The following NKAIN2 variants were observed in gnomAD, a reference collection of about 807,000 sequenced individuals.
NKAIN2 encodes sodium/potassium transporting ATPase interacting 2, also known as sodium/potassium-transporting ATPase subunit beta-1-interacting protein 2.
In NKAIN2, 14 loss-of-function variants were observed where a neutral mutation model predicts 32.6. The observed-to-expected ratio is 0.43, with a 90% CI of 0.28 to 0.67. The LOEUF is 0.67. NKAIN2 is among the 30% of genes least tolerant of loss of function. The probability of loss-of-function intolerance (pLI) is 0.17; values close to 1 mark genes in which losing one functional copy is unlikely to be tolerated. For synonymous variants in NKAIN2, 80 were observed against 87.2 expected, an observed-to-expected ratio of 0.92 and a Z score of 0.46; for missense variants, 198 against 258.3, an observed-to-expected ratio of 0.77 and a Z score of 1.60.
At chr6:123,956,690 C>T (rs1777609580) in intron 1 of NKAIN2, among the ~76,000 whole-genome samples, 1 of 152,158 alleles carries the variant, frequency 6.6e-6, no homozygotes, top group African/African-American at 2.4e-5. Flanking sequence ...ATTGTTGTGT[C>T]TTCATTCCAG....
At chr6:123,904,525 T>C (rs1774762449) in intron 1 of NKAIN2, among the ~76,000 whole-genome samples, 1 of 152,214 alleles carries the variant, frequency 6.6e-6, no homozygotes, top group Non-Finnish European at 1.5e-5. Context: ...ACTTTTGCAA[T>C]GTTCAGCCTT....
At chr6:124,593,343 T>A (rs927293015) in intron 3 of NKAIN2, among the ~76,000 whole-genome samples, 6 of 152,186 alleles carry the variant, frequency 3.9e-5, no homozygotes, top group African/African-American at 7.2e-5. Flanking sequence ...AAACTTTTTT[T>A]AAAACAATTA....
chr6:124,081,539 T>C (rs913146484), intron 1 of NKAIN2, among the ~76,000 whole-genome samples: 8 of 152,152 alleles, frequency 5.3e-5, no homozygotes, highest in African/African-American at 1.7e-4. Context: ...TAATTACTCA[T>C]AAATGCTGTT....
chr6:124,110,853 A>G (rs1045980734), intron 1 of NKAIN2, among the ~76,000 whole-genome samples: 7 of 152,096 alleles, frequency 4.6e-5, no homozygotes, highest in Non-Finnish European at 1.0e-4. Flanking sequence ...GCTGAGATGG[A>G]CATGCAAGTG....
intron 1 of NKAIN2, among the ~76,000 whole-genome samples, chr6:124,201,964 A>G (rs1481560387): frequency 2.0e-5 from 3 of 151,982 alleles, no homozygotes; most frequent in Non-Finnish European, 4.4e-5. Context: ...TTTCAAAAGC[A>G]TATTTCATGT....
At chr6:124,428,176 C>A (rs932858595) in intron 3 of NKAIN2, among the ~76,000 whole-genome samples, 1 of 152,036 alleles carries the variant, frequency 6.6e-6, no homozygotes, top group Non-Finnish European at 1.5e-5. Context: ...TTTTAAAAAT[C>A]TTTCATTCTG....
chr6:124,023,623 A>G (rs556374455), intron 1 of NKAIN2, among the ~76,000 whole-genome samples: 2 of 152,168 alleles, frequency 1.3e-5, no homozygotes, highest in African/African-American at 2.4e-5. Context: ...CAGTAATAAT[A>G]TATTTTAAAT....
intron 4 of NKAIN2, among the ~76,000 whole-genome samples, chr6:124,781,382 T>A (rs888454355): frequency 6.6e-6 from 1 of 152,154 alleles, no homozygotes; most frequent in African/African-American, 2.4e-5. Context: ...TGTAAAGATG[T>A]TACCACATGC....
At chr6:124,276,583 A>G (rs999214218) in intron 1 of NKAIN2, among the ~76,000 whole-genome samples, 2 of 152,158 alleles carry the variant, frequency 1.3e-5, no homozygotes, top group African/African-American at 4.8e-5. Context: ...AAGCCAGCAC[A>G]TATGTTCTCA....
intron 1 of NKAIN2, among the ~76,000 whole-genome samples, chr6:123,850,349 A>T (rs1033095485): frequency 3.8e-5 from 4 of 105,010 alleles, no homozygotes; most frequent in Admixed American, 1.9e-4. Flanking sequence ...GCTGAAAAAA[A>T]AAAAAAATAT....
intron 2 of NKAIN2, among the ~76,000 whole-genome samples, chr6:124,342,547 A>T (rs973093463): frequency 1.3e-5 from 2 of 151,628 alleles, no homozygotes; most frequent in Non-Finnish European, 2.9e-5. Context: ...TTGCTCTGTC[A>T]CCCAGGCTGA....
intron 3 of NKAIN2, among the ~76,000 whole-genome samples, chr6:124,540,448 G>T (rs1369696835): frequency 2.6e-5 from 4 of 152,180 alleles, no homozygotes; most frequent in African/African-American, 9.7e-5. Context: ...TGATAATTTT[G>T]CGTATCTGTA....
intron 3 of NKAIN2, among the ~76,000 whole-genome samples, chr6:124,526,667 G>C (rs1329944936): frequency 1.3e-5 from 2 of 152,290 alleles, no homozygotes; most frequent in African/African-American, 4.8e-5. Flanking sequence ...GGAGGAAGCT[G>C]CAAGTGAAAA....
chr6:124,414,794 A>C (rs1048536055), intron 3 of NKAIN2, among the ~76,000 whole-genome samples: 4 of 152,158 alleles, frequency 2.6e-5, no homozygotes, highest in African/African-American at 9.7e-5. Context: ...GTTAGTCCCA[A>C]GTTGTTTATA....
At chr6:124,141,582 C>T (rs576415053) in intron 1 of NKAIN2, among the ~76,000 whole-genome samples, 78 of 151,902 alleles carry the variant, frequency 5.1e-4, no homozygotes, top group Middle Eastern at 6.8e-3. Context: ...ATTCTATTTT[C>T]TTGCTCATTT....
At chr6:123,941,694 A>C (rs1288016395) in intron 1 of NKAIN2, among the ~76,000 whole-genome samples, 2 of 151,984 alleles carry the variant, frequency 1.3e-5, no homozygotes, top group African/African-American at 4.8e-5. Context: ...TTACATGCAT[A>C]GCTTCCAGGA....
intron 3 of NKAIN2, among the ~76,000 whole-genome samples, chr6:124,477,003 G>A (rs760051719): frequency 6.6e-6 from 1 of 152,180 alleles, no homozygotes; most frequent in Non-Finnish European, 1.5e-5. Flanking sequence ...TACAAGTACA[G>A]AGCCTCAGGA....
intron 1 of NKAIN2, among the ~76,000 whole-genome samples, chr6:124,274,940 A>G (rs868456963): frequency 6.5e-4 from 99 of 152,174 alleles, no homozygotes; most frequent in African/African-American, 2.2e-3. Flanking sequence ...GGACACACAC[A>G]ACAAGGATCA....
chr6:124,425,869 A>C (rs1353802861), intron 3 of NKAIN2, among the ~76,000 whole-genome samples: 1 of 152,126 alleles, frequency 6.6e-6, no homozygotes, highest in Non-Finnish European at 1.5e-5. Flanking sequence ...CTTATTCACA[A>C]TATGATTTTT....
Sources: gnomAD v4.1 joint callset for allele counts (sites outside exome capture counted in the v4.1 genomes callset) on GRCh38, gnomAD v4.1.1 for gene constraint, MANE v1.5 for transcripts, NCBI Gene and HGNC (gene_info 2026-07-23, HGNC 2026-07-21) for gene names.